Variants in HPGDS observed in about 807,000 individuals in gnomAD.
The protein encoded by HPGDS is GST class-sigma.
In HPGDS, 26 loss-of-function variants were observed where a neutral mutation model predicts 23.1. That is an observed-to-expected ratio of 1.13 (90% CI 0.83 to 1.56). The LOEUF (loss-of-function observed/expected upper bound fraction) is 1.56, where lower values mean the gene tolerates loss of function less well. Ranked by LOEUF, HPGDS falls within the 40% of genes most tolerant of loss-of-function variation. The probability of loss-of-function intolerance (pLI) is 0.00; values close to 1 mark genes in which losing one functional copy is unlikely to be tolerated. For synonymous variants in HPGDS, 95 were observed against 77.9 expected (o/e 1.22, Z -1.16); for missense variants, 268 against 236.4 (o/e 1.13, Z -0.88).
chr4:94,300,878 G>A (rs974134727), intron 5 of HPGDS, among the ~76,000 whole-genome samples: 49 of 152,146 alleles, frequency 3.2e-4, no homozygotes, highest in African/African-American at 8.2e-4. Context: ...AGGGAAATGC[G>A]TAAAGGCCCT....
chr4:94,340,649 C>T (rs1721145323), intron 1 of HPGDS, among the ~76,000 whole-genome samples: 1 of 44,402 alleles, frequency 2.3e-5, no homozygotes. Context: ...CGCCCCCCTC[C>T]CTTTTTTTTT....
chr4:94,332,381 G>A (rs1756750127), intron 2 of HPGDS, among the ~76,000 whole-genome samples: 1 of 152,246 alleles, frequency 6.6e-6, no homozygotes, highest in Non-Finnish European at 1.5e-5. Flanking sequence ...TGTCGCACTG[G>A]CCTTTTGCCC....
At chr4:94,338,944 C>A (rs182612127) in intron 1 of HPGDS, among the ~76,000 whole-genome samples, 206 of 152,226 alleles carry the variant, frequency 1.4e-3, no homozygotes, top group African/African-American at 4.5e-3. Flanking sequence ...GAGAGGAGGA[C>A]CTGATGTACC....
chr4:94,311,917 T>C (rs1756281939), intron 3 of HPGDS, among the ~76,000 whole-genome samples: 1 of 151,782 alleles, frequency 6.6e-6, no homozygotes, highest in Admixed American at 6.6e-5. Context: ...TTTTCTAGTT[T>C]ATTTGTGTAG....
rs142317281 is a variant in HPGDS at position 94,341,142 on chromosome 4, T to C, written c.-10+1653A>G. Among the ~76,000 whole-genome samples the C allele has an allele frequency of 2.0e-4, 30 of 152,266 alleles. No homozygotes were observed. The East Asian group carries it at 5.8e-3, about 29-fold the overall frequency. On this transcript the variant is annotated intron_variant, in intron 1 of 5. Coordinates refer to ENST00000295256, the MANE Select transcript of HPGDS (RefSeq NM_014485.3). The stretch of plus-strand genomic sequence containing the variant: ...TGAGCCACCTCGCCCGGCCAAACTT[T>C]TTTTTCTTTATAAATTACCCAGTCT...
rs535634492 is a variant in HPGDS, at chr4:94,308,593, G to T, written c.336+41C>A. The stretch of plus-strand genomic sequence containing the variant: ...CACCTAACACAATGTCTGGCAGGTG[G>T]TATATAATTAATACTAGGAATAGCA... On this transcript the variant is annotated intron_variant, in intron 4 of 5. Coordinates refer to ENST00000295256, the MANE Select transcript of HPGDS (RefSeq NM_014485.3). The T allele has an allele frequency of 7.1e-6, 7 of 983,126 alleles. No homozygotes were observed. The South Asian group carries it at 8.4e-5, about 12-fold the overall frequency. 60.9% of individuals were successfully genotyped at this position (983,126 alleles called of 1,614,324 possible).
Position 94,340,314 on chromosome 4 carries a change from T to TCTTTC in HPGDS, c.-10+2480_-10+2481insGAAAG, listed in dbSNP as rs1560598045. 4.5e-3 allele frequency among the ~76,000 whole-genome samples: 50 copies of TCTTTC among 11,070 alleles called. 2 individuals are homozygous for TCTTTC. The highest frequency in any genetic ancestry group is 5.8e-3 in the Admixed American group (6 of 1,038). 7.3% of individuals were successfully genotyped at this position (11,070 alleles called of 152,430 possible). On this transcript the variant is annotated intron_variant, in intron 1 of 5. Transcript: ENST00000295256. ...CTTTCTTTCTTTCTTTCTTTCTCTT[T>TCTTTC]TTTTTTTTTTTTTTTTTTTTTTTTT...
At chr4:94,314,235 T>G (rs1406557053) in intron 3 of HPGDS, among the ~76,000 whole-genome samples, 1 of 152,156 alleles carries the variant, frequency 6.6e-6, no homozygotes, top group Non-Finnish European at 1.5e-5. Context: ...GAATTTTCAG[T>G]TTTTCTGCTC....
At chr4:94,318,877 T>G (rs900065398) in intron 2 of HPGDS, among the ~76,000 whole-genome samples, 4 of 152,216 alleles carry the variant, frequency 2.6e-5, no homozygotes, top group Middle Eastern at 3.4e-3. Context: ...CACACCCAGA[T>G]AAGTTTTGTA....
intron 2 of HPGDS, among the ~76,000 whole-genome samples, chr4:94,323,437 T>C (rs1756558821): frequency 6.6e-6 from 1 of 152,226 alleles, no homozygotes; most frequent in South Asian, 2.1e-4. Flanking sequence ...TTTATGAATC[T>C]GGATGCTCCT....
At chr4:94,340,844 T>TTG in intron 1 of HPGDS, among the ~76,000 whole-genome samples, 1 of 92,846 alleles carries the variant, frequency 1.1e-5, no homozygotes, top group Non-Finnish European at 2.4e-5. Flanking sequence ...TTTTTTTTTT[T>TTG]CTTTCTTTTT....
chr4:94,329,142 G>GT lies in HPGDS; in HGVS notation c.133+5354dup, dbSNP rs368991575. The stretch of plus-strand genomic sequence containing the variant: ...TGCGTAATTTTTTTGTCAGGGAGAG[G>GT]TTTTTTTTTGTGCTAGGCATTGTAC... On this transcript the variant is annotated intron_variant, in intron 2 of 5. Transcript: ENST00000295256. Among the ~76,000 whole-genome samples the GT allele has an allele frequency of 2.7e-3, 403 of 151,450 alleles. 1 individual carries two copies. Among genetic ancestry groups the GT allele is most frequent in the Non-Finnish European group, 4.8e-3 (325 of 67,818 alleles).
intron 2 of HPGDS, among the ~76,000 whole-genome samples, chr4:94,333,889 G>A (rs938510505): frequency 2.0e-5 from 3 of 152,134 alleles, no homozygotes; most frequent in East Asian, 1.9e-4. Context: ...TTCCAATATC[G>A]GAAGAAACAT....
At chr4:94,329,809 C>G (rs182059379) in intron 2 of HPGDS, among the ~76,000 whole-genome samples, 1 of 152,124 alleles carries the variant, frequency 6.6e-6, no homozygotes, top group Non-Finnish European at 1.5e-5. Context: ...TCATTTGATT[C>G]CAGAAAAAAT....
At chr4:94,333,231 T>C (rs760849463) in intron 2 of HPGDS, among the ~76,000 whole-genome samples, 12 of 152,178 alleles carry the variant, frequency 7.9e-5, no homozygotes, top group Non-Finnish European at 1.8e-4. Flanking sequence ...TTTCCTTTCT[T>C]CTTAGAGTAA....
intron 5 of HPGDS, among the ~76,000 whole-genome samples, chr4:94,300,579 C>T (rs956871820): frequency 6.6e-6 from 1 of 152,112 alleles, no homozygotes; most frequent in African/African-American, 2.4e-5. Context: ...AGAATAAATC[C>T]AGAATTTATT....
At chr4:94,316,697 T>C (rs1388216035) in intron 3 of HPGDS, among the ~76,000 whole-genome samples, 1 of 152,272 alleles carries the variant, frequency 6.6e-6, no homozygotes, top group African/African-American at 2.4e-5. Context: ...CTTAGAATGT[T>C]CTAGCCCAGA....
chr4:94,326,133 A>G (rs1477735524), intron 2 of HPGDS, among the ~76,000 whole-genome samples: 2 of 152,138 alleles, frequency 1.3e-5, no homozygotes, highest in Admixed American at 1.3e-4. Context: ...TTTGTCCTTG[A>G]GGACAAAGTC....
rs764765331 is a variant in HPGDS, at chr4:94,317,867, T to C, written c.226+6A>G. Reference sequence around the variant, plus strand: ...TCAAAAATCTTAAGCACAATAAACATGTTACCTGTGTTTTTGGTCAAATAT... The same window carrying C: ...TCAAAAATCTTAAGCACAATAAACACGTTACCTGTGTTTTTGGTCAAATAT... On this transcript the variant is annotated splice_donor_region_variant and intron_variant, in intron 3 of 5. Transcript: ENST00000295256. 5 of 1,546,960 alleles carry C rather than the reference T, an allele frequency of 3.2e-6. No individual in the cohort carries two copies. The highest frequency in any genetic ancestry group is 2.2e-5 in the East Asian group (1 of 44,450).
Sources: allele counts gnomAD v4.1 joint callset (sites outside exome capture counted in the v4.1 genomes callset), GRCh38; gene constraint gnomAD v4.1.1; transcripts MANE v1.5; gene names NCBI Gene and HGNC (gene_info 2026-07-23, HGNC 2026-07-21).